The following SCGB2B2 variants were observed in gnomAD, a reference collection of about 807,000 sequenced individuals.
SCGB2B2 encodes secretoglobin-like protein.
SCGB2B2 carries 11 observed loss-of-function variants against 7.6 expected under a neutral mutation model. That is an observed-to-expected ratio of 1.45 (90% CI 0.91 to 2.40). SCGB2B2 has a LOEUF of 2.40. Ranked by LOEUF, SCGB2B2 falls within the 30% of genes most tolerant of loss-of-function variation. SCGB2B2 has a pLI of 0.00. For synonymous variants in SCGB2B2, 50 were observed against 48.6 expected (o/e 1.03, Z -0.12); for missense variants, 104 against 115.4 (o/e 0.90, Z 0.45).
intron 1 of SCGB2B2, among the ~76,000 whole-genome samples, chr19:34,668,229 C>G (rs560004151): frequency 6.6e-6 from 1 of 152,232 alleles, no homozygotes; most frequent in East Asian, 1.9e-4. Context: ...CTGAGCGTGG[C>G]GCTTGCGAGC....
intron 1 of SCGB2B2, among the ~76,000 whole-genome samples, chr19:34,666,150 G>A (rs2067614839): frequency 6.6e-6 from 1 of 152,036 alleles, no homozygotes; most frequent in Non-Finnish European, 1.5e-5. Flanking sequence ...TGTACAAAGT[G>A]CAGAGGGGTC....
chr19:34,640,547 T>G (rs959454077), intron 1 of SCGB2B2: 27 of 152,334 alleles, frequency 1.8e-4, no homozygotes, highest in Admixed American at 1.7e-3. Context: ...GATACTTTTA[T>G]CAAATACATG....
rs141033402 is a variant in SCGB2B2, at chr19:34,653,388, T to C, written c.-2032+22242A>G. ...GTTCCCAATACGAAGTAATGATCAATGTTTGAGGAGGTGTATATGCTAATC... is the reference window on the plus strand; with the variant it reads ...GTTCCCAATACGAAGTAATGATCAACGTTTGAGGAGGTGTATATGCTAATC... On this transcript the variant is annotated intron_variant, in intron 1 of 3. Coordinates refer to ENST00000601241, the MANE Select transcript of SCGB2B2 (RefSeq NM_001025591.4). Among the ~76,000 whole-genome samples the C allele has an allele frequency of 9.1e-4, 138 of 151,440 alleles. 2 individuals are homozygous for C. In the East Asian group the frequency reaches 0.023, roughly 26 times the overall value.
At chr19:34,669,300 G>A (rs2067734125) in intron 1 of SCGB2B2, among the ~76,000 whole-genome samples, 1 of 152,186 alleles carries the variant, frequency 6.6e-6, no homozygotes, top group Non-Finnish European at 1.5e-5. Flanking sequence ...TTTAGGTTCT[G>A]TGTTTTATTC....
downstream of SCGB2B2, among the ~76,000 whole-genome samples, chr19:34,587,116 C>G (rs1042274490): frequency 6.6e-6 from 1 of 152,100 alleles, no homozygotes; most frequent in Admixed American, 6.5e-5. Context: ...CCATGTTGGT[C>G]AGGCTGGTCT....
chr19:34,643,468 A>G (rs750473568), intron 1 of SCGB2B2, among the ~76,000 whole-genome samples: 10 of 152,204 alleles, frequency 6.6e-5, no homozygotes, highest in African/African-American at 9.6e-5. Context: ...ATGAAAGCCT[A>G]CAGTTAGATA....
At chr19:34,664,781 G>A (rs1246373292) in intron 1 of SCGB2B2, among the ~76,000 whole-genome samples, 1 of 152,050 alleles carries the variant, frequency 6.6e-6, no homozygotes, top group Non-Finnish European at 1.5e-5. Context: ...GCTCAGCCTT[G>A]CAGCTCCCGC....
At chr19:34,603,140 G>C (rs775677571) in intron 1 of SCGB2B2, among the ~76,000 whole-genome samples, 9 of 152,210 alleles carry the variant, frequency 5.9e-5, no homozygotes, top group Non-Finnish European at 1.3e-4. Flanking sequence ...AGGCACAATA[G>C]ATGTTCACCT....
In SCGB2B2 at chr19:34,629,038, ATGCAG is replaced by A. The variant is rs1175119711; in HGVS notation, c.-2031-32449_-2031-32445del. ...AAAAACCACATGATTATCTCAATAG[ATGCAG>A]AAAAGGCCTTCAACAAAATTCAACA... On this transcript the variant is annotated intron_variant, in intron 1 of 3. Coordinates refer to ENST00000601241, the MANE Select transcript of SCGB2B2 (RefSeq NM_001025591.4). Among the ~76,000 whole-genome samples, 3 of 151,980 alleles carry A rather than the reference ATGCAG, an allele frequency of 2.0e-5. No individual in the cohort carries two copies. In the East Asian group the frequency reaches 5.8e-4, roughly 29 times the overall value.
At chr19:34,618,159 C>T (rs8102047) in intron 1 of SCGB2B2, among the ~76,000 whole-genome samples, 7,714 of 152,230 alleles carry the variant, frequency 0.051, 340 homozygotes, top group African/African-American at 0.11. Flanking sequence ...GCTCCTCCCC[C>T]GCATGTGTCT....
At chr19:34,649,531 T>C (rs550978740) in intron 1 of SCGB2B2, among the ~76,000 whole-genome samples, 1 of 152,298 alleles carries the variant, frequency 6.6e-6, no homozygotes, top group African/African-American at 2.4e-5. Context: ...AAAAACTTTT[T>C]GCAATAACTA....
At chr19:34,658,137 G>A (rs2067333736) in intron 1 of SCGB2B2, among the ~76,000 whole-genome samples, 1 of 152,170 alleles carries the variant, frequency 6.6e-6, no homozygotes, top group Non-Finnish European at 1.5e-5. Context: ...GCCCACAAGA[G>A]AAAGGAGGAG....
At chr19:34,669,680 G>A (rs909913997) in intron 1 of SCGB2B2, among the ~76,000 whole-genome samples, 12 of 38,342 alleles carry the variant, frequency 3.1e-4, no homozygotes, top group Middle Eastern at 0.036. Context: ...GCCCAGGGCC[G>A]TGGGTCTCTC....
intron 1 of SCGB2B2, among the ~76,000 whole-genome samples, chr19:34,629,706 T>C (rs906367336): frequency 2.6e-5 from 4 of 152,000 alleles, no homozygotes; most frequent in African/African-American, 7.2e-5. Context: ...AGGTAATTTA[T>C]AGATTCAATG....
chr19:34,668,733 C>A (rs965882192), intron 1 of SCGB2B2, among the ~76,000 whole-genome samples: 25 of 152,176 alleles, frequency 1.6e-4, no homozygotes, highest in Non-Finnish European at 2.9e-4. Context: ...TCTAGCTACT[C>A]TGGTGGGGAC....
At chr19:34,659,135 T>C (rs1412527407) in intron 1 of SCGB2B2, among the ~76,000 whole-genome samples, 1 of 152,148 alleles carries the variant, frequency 6.6e-6, no homozygotes, top group Admixed American at 6.5e-5. Context: ...TGATGGGACG[T>C]ATCTCAAAAT....
chr19:34,604,773 A>AT (rs1392158672), intron 1 of SCGB2B2, among the ~76,000 whole-genome samples: 1 of 152,236 alleles, frequency 6.6e-6, no homozygotes, highest in African/African-American at 2.4e-5. Flanking sequence ...TAAAAAGTGC[A>AT]TATTCCTCCA....
intron 1 of SCGB2B2, among the ~76,000 whole-genome samples, chr19:34,622,072 A>T (rs384452): frequency 1.3e-5 from 2 of 151,986 alleles, no homozygotes; most frequent in Non-Finnish European, 2.9e-5. Flanking sequence ...CAGTTAAGTC[A>T]TTCCTCATGG....
At chr19:34,607,326 G>GTA (rs1343588029) in intron 1 of SCGB2B2, among the ~76,000 whole-genome samples, 5 of 152,142 alleles carry the variant, frequency 3.3e-5, no homozygotes, top group African/African-American at 7.2e-5. Flanking sequence ...TTGTGTGTGT[G>GTA]TATATATATC....
Sources: allele counts gnomAD v4.1 joint callset (sites outside exome capture counted in the v4.1 genomes callset), GRCh38; gene constraint gnomAD v4.1.1; transcripts MANE v1.5; gene names NCBI Gene and HGNC (gene_info 2026-07-23, HGNC 2026-07-21).